GPC6: variants seen among roughly 807,000 people sequenced by gnomAD.
GPC6 encodes the protein glypican-6.
In GPC6, 14 loss-of-function variants were observed where a neutral mutation model predicts 55.2. That is an observed-to-expected ratio of 0.25 (90% CI 0.17 to 0.40). GPC6 has a LOEUF of 0.40. Ranked by LOEUF, GPC6 falls within the 10% of genes least tolerant of loss-of-function variation. The probability of loss-of-function intolerance (pLI) is 1.00; values close to 1 mark genes in which losing one functional copy is unlikely to be tolerated. For missense variants in GPC6, 641 were observed against 708.5 expected (o/e 0.90, Z 1.08); for synonymous variants, 278 against 259.6 (o/e 1.07, Z -0.68).
At chr13:93,411,250 T>C (rs746245978) in intron 1 of GPC6, among the ~76,000 whole-genome samples, 3 of 152,160 alleles carry the variant, frequency 2.0e-5, no homozygotes, top group Non-Finnish European at 2.9e-5. Context: ...ACCTGCTGTG[T>C]CTGTTCATGA....
intron 4 of GPC6, among the ~76,000 whole-genome samples, chr13:94,185,258 GA>G (rs759584811): frequency 0.041 from 2,322 of 56,450 alleles, 19 homozygotes; most frequent in Middle Eastern, 0.058. Flanking sequence ...AATAAAAGTT[GA>G]AAAAAAAAAA....
chr13:94,287,257 TA>T (rs1408890392), intron 5 of GPC6, among the ~76,000 whole-genome samples: 6 of 152,222 alleles, frequency 3.9e-5, no homozygotes, highest in Non-Finnish European at 7.3e-5. Flanking sequence ...CATGAAACAC[TA>T]ACCAAATCTA....
At chr13:93,458,544 G>A (rs1878558675) in intron 1 of GPC6, among the ~76,000 whole-genome samples, 1 of 152,232 alleles carries the variant, frequency 6.6e-6, no homozygotes, top group Middle Eastern at 3.4e-3. Context: ...GCAAATAATG[G>A]ATAGATTGAA....
At chr13:93,483,235 A>G (rs1443004553) in intron 1 of GPC6, among the ~76,000 whole-genome samples, 4 of 152,282 alleles carry the variant, frequency 2.6e-5, no homozygotes, top group Non-Finnish European at 4.4e-5. Flanking sequence ...CTGATGTATC[A>G]TTTTATTAGA....
At chr13:93,794,364 A>G (rs895156960) in intron 2 of GPC6, among the ~76,000 whole-genome samples, 2 of 152,188 alleles carry the variant, frequency 1.3e-5, no homozygotes, top group African/African-American at 4.8e-5. Context: ...TGAATCTGAA[A>G]CTCTGGGAGT....
chr13:93,578,623 A>C (rs1166241754), intron 2 of GPC6, among the ~76,000 whole-genome samples: 1 of 148,746 alleles, frequency 6.7e-6, no homozygotes, highest in Non-Finnish European at 1.5e-5. Flanking sequence ...TTATCTTTTC[A>C]AAAAAACTAC....
At chr13:94,284,740 A>G (rs1176780913) in intron 4 of GPC6, among the ~76,000 whole-genome samples, 2 of 152,158 alleles carry the variant, frequency 1.3e-5, no homozygotes, top group Non-Finnish European at 2.9e-5. Flanking sequence ...AGTAAAAGGA[A>G]TACAGCGTTT....
intron 3 of GPC6, among the ~76,000 whole-genome samples, chr13:93,899,551 C>G (rs539642502): frequency 6.6e-6 from 1 of 151,944 alleles, no homozygotes; most frequent in African/African-American, 2.4e-5. Flanking sequence ...TATATATTAC[C>G]TGGAATATGT....
intron 3 of GPC6, among the ~76,000 whole-genome samples, chr13:93,832,006 C>T (rs2138983452): frequency 7.4e-6 from 1 of 135,826 alleles, no homozygotes; most frequent in Middle Eastern, 4.6e-3. Flanking sequence ...AGGAGAATGG[C>T]ATGAACCTGG....
intron 2 of GPC6, among the ~76,000 whole-genome samples, chr13:93,741,752 C>T (rs144407467): frequency 1.3e-5 from 2 of 152,120 alleles, no homozygotes; most frequent in African/African-American, 4.8e-5. Flanking sequence ...TTACCCCCAG[C>T]ACTCTTACTC....
chr13:94,372,343 T>C (rs1434779119), intron 6 of GPC6, among the ~76,000 whole-genome samples: 9 of 151,334 alleles, frequency 5.9e-5, no homozygotes, highest in African/African-American at 2.2e-4. Context: ...TGGGCGCAGG[T>C]CAGTGGGTGC....
At chr13:94,301,711 C>G (rs1477881897) in intron 5 of GPC6, among the ~76,000 whole-genome samples, 1 of 152,114 alleles carries the variant, frequency 6.6e-6, no homozygotes, top group Non-Finnish European at 1.5e-5. Flanking sequence ...AATAGGCTGT[C>G]CTCAGCCTCA....
chr13:94,125,552 C>T (rs1192501770), intron 4 of GPC6, among the ~76,000 whole-genome samples: 1 of 152,066 alleles, frequency 6.6e-6, no homozygotes, highest in Non-Finnish European at 1.5e-5. Context: ...CTGAAAACCA[C>T]TAGAAAGTCA....
intron 2 of GPC6, among the ~76,000 whole-genome samples, chr13:93,696,066 T>A (rs1882441181): frequency 6.6e-6 from 1 of 152,186 alleles, no homozygotes; most frequent in Non-Finnish European, 1.5e-5. Flanking sequence ...TTTTCCTTTT[T>A]GAAATGTATT....
intron 5 of GPC6, among the ~76,000 whole-genome samples, chr13:94,294,919 T>C (rs2139097180): frequency 6.6e-6 from 1 of 152,320 alleles, no homozygotes; most frequent in African/African-American, 2.4e-5. Flanking sequence ...AAGAGTTACA[T>C]CTTATTCATT....
intron 4 of GPC6, among the ~76,000 whole-genome samples, chr13:94,149,891 C>T (rs1887679446): frequency 1.3e-5 from 2 of 152,074 alleles, no homozygotes; most frequent in African/African-American, 4.8e-5. Context: ...TTTCTGTCCA[C>T]ACTAGACTGA....
intron 4 of GPC6, among the ~76,000 whole-genome samples, chr13:94,145,024 A>C (rs1008826479): frequency 7.9e-5 from 12 of 152,270 alleles, no homozygotes; most frequent in African/African-American, 2.6e-4. Context: ...TATTGATTAG[A>C]GAGTAAGTTC....
At chr13:93,520,831 A>ATATAGACAAACTG (rs1458544528) in intron 1 of GPC6, among the ~76,000 whole-genome samples, 1 of 150,158 alleles carries the variant, frequency 6.7e-6, no homozygotes. Flanking sequence ...TAGACAAACT[A>ATATAGACAAACTG]TATATACTTA....
intron 2 of GPC6, among the ~76,000 whole-genome samples, chr13:93,589,196 T>C (rs1167155304): frequency 6.6e-6 from 1 of 152,198 alleles, no homozygotes; most frequent in African/African-American, 2.4e-5. Flanking sequence ...CTTTGCTTTT[T>C]TCTGAAGCTT....
Sources: allele counts gnomAD v4.1 joint callset (sites outside exome capture counted in the v4.1 genomes callset), GRCh38; gene constraint gnomAD v4.1.1; transcripts MANE v1.5; gene names NCBI Gene and HGNC (gene_info 2026-07-23, HGNC 2026-07-21).